The following SLC9C2 variants were observed in gnomAD, a reference collection of about 807,000 sequenced individuals.
SLC9C2 encodes the protein solute carrier family 9 member C2 (putative), also known as sodium/hydrogen exchanger 11.
A neutral mutation model predicts 140.2 loss-of-function variants in SLC9C2; 75 were observed. That is an observed-to-expected ratio of 0.53 (90% CI 0.44 to 0.65). The LOEUF is 0.65. Among genes scored for constraint, SLC9C2 ranks in the 30% least tolerant of loss-of-function variants. The pLI, the probability that SLC9C2 is intolerant of heterozygous loss-of-function variation, is 0.00. For synonymous variants in SLC9C2, 375 were observed against 420.9 expected (o/e 0.89, Z 1.34); for missense variants, 1,074 against 1,331.8 (o/e 0.81, Z 3.01).
At chr1:173,598,337 A>G (rs1666560888) in intron 3 of SLC9C2, among the ~76,000 whole-genome samples, 1 of 152,196 alleles carries the variant, frequency 6.6e-6, no homozygotes, top group Non-Finnish European at 1.5e-5. Context: ...ATCAGAAAAT[A>G]TTTTTGGTGA....
At chr1:173,507,149 T>C (rs930901347) in intron 24 of SLC9C2, 108 bp from the exon 25 acceptor site, 4 of 862,312 alleles carry the variant, frequency 4.6e-6, no homozygotes, top group Middle Eastern at 3.6e-4. Context: ...TGTCAGAAGG[T>C]ACACAGCCCC....
intron 13 of SLC9C2, among the ~76,000 whole-genome samples, chr1:173,541,390 A>C (rs1662399033): frequency 6.6e-6 from 1 of 152,182 alleles, no homozygotes; most frequent in South Asian, 2.1e-4. Flanking sequence ...AGAGACTTAG[A>C]ATCCCACATA....
At chr1:173,526,519 C>G (rs1401512319) in intron 19 of SLC9C2, 144 bp downstream of exon 19, 2 of 721,826 alleles carry the variant, frequency 2.8e-6, no homozygotes, top group African/African-American at 3.6e-5. Flanking sequence ...TTTCCCATAC[C>G]TGGCCCATTA....
chr1:173,502,588 T>C (rs1190105955), intron 27 of SLC9C2, among the ~76,000 whole-genome samples: 1 of 152,200 alleles, frequency 6.6e-6, no homozygotes. Context: ...TTTTCAACTC[T>C]AGGCGTGACT....
Position 173,597,984 on chromosome 1 carries a change from A to C in SLC9C2, c.277T>G (p.Tyr93Asp). 1 of 1,598,856 alleles carries C rather than the reference A, an allele frequency of 6.3e-7. No individual in the cohort carries two copies. Among genetic ancestry groups the C allele is most frequent in the Non-Finnish European group, 8.5e-7 (1 of 1,171,908 alleles). Residue 93 changes from tyrosine (Y) to aspartate (D), a missense_variant, in exon 4 of 28, where the codon TAT (tyrosine) becomes GAT (aspartate). Transcript: ENST00000367714. Reference sequence around the variant, plus strand: ...ATAATTAAAGGTGAAAAGTAAGAATAAAGTGAAAAACTTGATGTTCTTAGA... The same window carrying C: ...ATAATTAAAGGTGAAAAGTAAGAATCAAGTGAAAAACTTGATGTTCTTAGA... ...PLLRTSSFSL[Y>D]SYFSPLIIFM...
chr1:173,524,713 T>G, intron 20 of SLC9C2, 66 bp downstream of exon 20: 1 of 1,557,966 alleles, frequency 6.4e-7, no homozygotes, highest in African/African-American at 1.4e-5. Flanking sequence ...TCTCCCTCCT[T>G]ATTACACACT....
In SLC9C2 at chr1:173,515,348, G is replaced by C. The variant is rs143012635; in HGVS notation, c.2907+2189C>G. Among the ~76,000 whole-genome samples the C allele has an allele frequency of 1.5e-3, 233 of 152,192 alleles. 1 individual carries two copies. Among genetic ancestry groups the C allele is most frequent in the South Asian group, 5.2e-3 (25 of 4,812 alleles). On this transcript the variant is annotated intron_variant, in intron 23 of 27. Coordinates refer to ENST00000367714, the MANE Select transcript of SLC9C2 (RefSeq NM_178527.4). ...TAGTCCCATATTTCTCAGAGGTTTT[G>C]TTTGTTCCTTTTCATTCTTTTTTTC...
chr1:173,569,453 G>A (rs529818310), intron 9 of SLC9C2, among the ~76,000 whole-genome samples: 30 of 151,962 alleles, frequency 2.0e-4, no homozygotes, highest in Admixed American at 2.6e-4. Context: ...TCTGCTCAGC[G>A]TTCTACAACC....
intron 1 of SLC9C2, 104 bp downstream of exon 1, chr1:173,602,647 T>C (rs1297125643): frequency 1.3e-5 from 2 of 152,176 alleles, no homozygotes; most frequent in African/African-American, 2.4e-5. Flanking sequence ...ATCTATGCAG[T>C]GGTCCTGAGA....
chr1:173,526,200 A>G (rs532283840), intron 19 of SLC9C2, among the ~76,000 whole-genome samples: 56 of 152,238 alleles, frequency 3.7e-4, no homozygotes, highest in Non-Finnish European at 6.8e-4. Flanking sequence ...CTTCAAATAA[A>G]GTGGAGTGAC....
chr1:173,597,264 TAACTAATGGGTC>T (rs1244479871), intron 4 of SLC9C2, among the ~76,000 whole-genome samples: 4 of 151,910 alleles, frequency 2.6e-5, no homozygotes, highest in Admixed American at 1.3e-4. Context: ...AATTTGTAAA[TAACTAATGGGTC>T]AAAAAGTATA....
At chr1:173,542,653 T>C (rs895214876) in intron 13 of SLC9C2, among the ~76,000 whole-genome samples, 41 of 152,150 alleles carry the variant, frequency 2.7e-4, no homozygotes, top group Non-Finnish European at 5.1e-4. Context: ...CCAAACAGCT[T>C]ATCCACCAAG....
rs142152049 is a variant in SLC9C2, at chr1:173,516,885, G to A, written c.2907+652C>T. On this transcript the variant is annotated intron_variant, in intron 23 of 27. Transcript: ENST00000367714. ...TCTGTCTTTAGGTCTTTGAGGAAAC[G>A]TCACACTGTCTTCCACAATGGTTGA... Among the ~76,000 whole-genome samples the A allele has an allele frequency of 5.8e-4, 88 of 152,294 alleles. No homozygotes were observed. The Middle Eastern group carries it at 0.014, about 24-fold the overall frequency.
chr1:173,577,218 CTG>C (rs1665233642), intron 7 of SLC9C2, among the ~76,000 whole-genome samples: 1 of 152,196 alleles, frequency 6.6e-6, no homozygotes, highest in Non-Finnish European at 1.5e-5. Context: ...GAGACCATCA[CTG>C]AGGATAGGGC....
chr1:173,505,224 A>G (rs1369308596), intron 26 of SLC9C2, 23 bp downstream of exon 26: 1 of 1,579,644 alleles, frequency 6.3e-7, no homozygotes, highest in African/African-American at 1.4e-5. Context: ...TAGTTTTCCT[A>G]CCACTAAAGG....
At chr1:173,552,089 A>G (rs1663353740) in intron 11 of SLC9C2, among the ~76,000 whole-genome samples, 1 of 152,242 alleles carries the variant, frequency 6.6e-6, no homozygotes, top group African/African-American at 2.4e-5. Flanking sequence ...AAATCAAACC[A>G]ACACAATATT....
intron 22 of SLC9C2, 89 bp from the exon 23 acceptor site, chr1:173,517,793 T>G: frequency 8.8e-7 from 1 of 1,132,386 alleles, no homozygotes; most frequent in Admixed American, 3.1e-5. Flanking sequence ...TTCTTACAAC[T>G]TTCCAATGGA....
chr1:173,599,362 A>ATTTTTTTTTTTTTTTTTTTTT (rs61579339), intron 3 of SLC9C2, among the ~76,000 whole-genome samples: 3 of 68,126 alleles, frequency 4.4e-5, no homozygotes, highest in African/African-American at 1.4e-4. Flanking sequence ...ATTTTCCTTG[A>ATTTTTTTTTTTTTTTTTTTTT]TTTTTTTTTT....
chr1:173,581,203 A>G (rs1311203175), intron 7 of SLC9C2, among the ~76,000 whole-genome samples: 1 of 152,180 alleles, frequency 6.6e-6, no homozygotes, highest in African/African-American at 2.4e-5. Context: ...CAAAAGTGGA[A>G]TTTGACAGTT....
Sources: allele counts gnomAD v4.1 joint callset (sites outside exome capture counted in the v4.1 genomes callset), GRCh38; gene constraint gnomAD v4.1.1; transcripts MANE v1.5; gene names NCBI Gene and HGNC (gene_info 2026-07-23, HGNC 2026-07-21).